DSE: variants seen among roughly 807,000 people sequenced by gnomAD.
DSE encodes the protein dermatan-sulfate epimerase.
A neutral mutation model predicts 84.4 loss-of-function variants in DSE; 36 were observed. The ratio of observed to expected loss-of-function variants is 0.43; its 90% CI spans 0.33 to 0.56. DSE has a LOEUF of 0.56. Among genes scored for constraint, DSE ranks in the 20% least tolerant of loss-of-function variants. DSE has a pLI of 0.06. For synonymous variants in DSE, 410 were observed against 430.1 expected (o/e 0.95, Z 0.58); for missense variants, 862 against 1,169.6 (o/e 0.74, Z 3.84).
chr6:116,429,764 C>A, intron 3 of DSE, among the ~76,000 whole-genome samples: 2 of 25,336 alleles, frequency 7.9e-5, no homozygotes, highest in Non-Finnish European at 1.6e-4. Context: ...CTGGCTAACA[C>A]GGTGAAACCC....
chr6:116,275,692 C>T (rs551013501), intron 2 of DSE, among the ~76,000 whole-genome samples: 61 of 150,984 alleles, frequency 4.0e-4, no homozygotes, highest in Non-Finnish European at 2.2e-4. Context: ...CCCAGCTACT[C>T]GGGAGGCTGA....
rs376322783 is a variant in DSE, at chr6:116,344,797, G to A, written c.-53-54401G>A. 9.9e-5 allele frequency among the ~76,000 whole-genome samples: 15 copies of A among 152,222 alleles called. No individual in the cohort carries two copies. In the East Asian group the frequency reaches 1.7e-3, roughly 18 times the overall value. Reference sequence around the variant, plus strand: ...CAATATTGACCTTAAATGTAAATGGGCTAAATGCTCCAATTAAAAGACACA... The same window carrying A: ...CAATATTGACCTTAAATGTAAATGGACTAAATGCTCCAATTAAAAGACACA... On this transcript the variant is annotated intron_variant, in intron 2 of 3. Coordinates refer to the DSE transcript ENST00000430252.
chr6:116,420,432 A>ACT (rs1782996085), intron 2 of DSE, among the ~76,000 whole-genome samples: 1 of 152,030 alleles, frequency 6.6e-6, no homozygotes, highest in Admixed American at 6.6e-5. Flanking sequence ...ACTCTTGTGC[A>ACT]CTCTCTCTCA....
intron 2 of DSE, among the ~76,000 whole-genome samples, chr6:116,262,433 T>C (rs551262212): frequency 6.6e-6 from 1 of 152,292 alleles, no homozygotes; most frequent in East Asian, 1.9e-4. Context: ...CTCTGATGGT[T>C]GTTTGTATTT....
intron 2 of DSE, among the ~76,000 whole-genome samples, chr6:116,346,953 A>G (rs2114838693): frequency 6.6e-6 from 1 of 152,316 alleles, no homozygotes; most frequent in East Asian, 1.9e-4. Flanking sequence ...TGCAAAAATC[A>G]CAAGCATTCC....
At chr6:116,320,963 G>C (rs986667457) in intron 2 of DSE, among the ~76,000 whole-genome samples, 6 of 152,130 alleles carry the variant, frequency 3.9e-5, no homozygotes, top group African/African-American at 1.4e-4. Context: ...GTACTAAGGC[G>C]ATGGAGAGAT....
In DSE at chr6:116,431,050, A is replaced by T. The variant is rs1161817257; in HGVS notation, c.767A>T (p.Tyr256Phe). Reference sequence around the variant, plus strand: ...AGGGAGGTGACGGATGGCTCCCTCTATGAAGGAGTTGCGTATGGCAGCTAC... The same window carrying T: ...AGGGAGGTGACGGATGGCTCCCTCTTTGAAGGAGTTGCGTATGGCAGCTAC... Reference protein sequence around the residue: ...LLREVTDGSLYEGVAYGSYTT... With the variant: ...LLREVTDGSLFEGVAYGSYTT... The change falls in exon 4 of 6, where the codon TAT becomes TTT. Residue 256 changes from tyrosine to phenylalanine, a missense_variant. Tyr to Phe is a conservative substitution (Grantham distance 22). Coordinates refer to ENST00000644252, the MANE Select transcript of DSE (RefSeq NM_013352.4). 6.2e-7 allele frequency: 1 copy of T among 1,614,170 alleles called. No homozygotes were observed. The highest frequency in any genetic ancestry group is 8.5e-7 in the Non-Finnish European group (1 of 1,180,038).
chr6:116,298,810 T>A (rs1445456373), intron 2 of DSE, among the ~76,000 whole-genome samples: 1 of 152,230 alleles, frequency 6.6e-6, no homozygotes, highest in East Asian at 1.9e-4. Flanking sequence ...TTGACTTTTC[T>A]GCATTCTGAT....
intron 2 of DSE, chr6:116,279,963 G>C: frequency 7.6e-7 from 1 of 1,315,172 alleles, no homozygotes; most frequent in Non-Finnish European, 1.1e-6. Flanking sequence ...CAGGACTGGA[G>C]ATCTCACGGT....
At chr6:116,273,184 G>A (rs1371466293) in intron 2 of DSE, among the ~76,000 whole-genome samples, 1 of 152,006 alleles carries the variant, frequency 6.6e-6, no homozygotes, top group Admixed American at 6.6e-5. Flanking sequence ...CTGCCCATCA[G>A]GTCATATCTA....
chr6:116,384,168 C>T (rs1780432294), intron 1 of DSE, among the ~76,000 whole-genome samples: 1 of 152,064 alleles, frequency 6.6e-6, no homozygotes, highest in African/African-American at 2.4e-5. Flanking sequence ...ACAGAGCAAC[C>T]TAAATAAAAG....
intron 2 of DSE, among the ~76,000 whole-genome samples, chr6:116,360,378 T>TATCTGC (rs951660615): frequency 6.6e-6 from 1 of 151,106 alleles, no homozygotes; most frequent in African/African-American, 2.5e-5. Context: ...AAGGAATATT[T>TATCTGC]ATCTGCATCT....
intron 2 of DSE, among the ~76,000 whole-genome samples, chr6:116,353,786 CTG>C (rs1244565375): frequency 6.6e-6 from 1 of 152,192 alleles, no homozygotes. Context: ...TATTTTATAA[CTG>C]TTCTCATTTG....
At chr6:116,337,522 G>T (rs895135998) in intron 2 of DSE, among the ~76,000 whole-genome samples, 1 of 152,092 alleles carries the variant, frequency 6.6e-6, no homozygotes, top group Non-Finnish European at 1.5e-5. Context: ...TGGCAGGAGA[G>T]TTGCTTTTTA....
chr6:116,350,765 A>G (rs1298970965), intron 2 of DSE, among the ~76,000 whole-genome samples: 1 of 152,208 alleles, frequency 6.6e-6, no homozygotes, highest in Non-Finnish European at 1.5e-5. Context: ...GTTCCATGCA[A>G]GTATATTCAC....
intron 2 of DSE, among the ~76,000 whole-genome samples, chr6:116,330,441 A>G (rs117372440): frequency 0.03 from 4,525 of 152,262 alleles, 103 homozygotes; most frequent in Non-Finnish European, 0.046. Context: ...TTGGTATTAC[A>G]TATGTTTTTG....
intron 2 of DSE, among the ~76,000 whole-genome samples, chr6:116,260,829 T>C (rs1241854944): frequency 6.6e-6 from 1 of 152,202 alleles, no homozygotes; most frequent in Non-Finnish European, 1.5e-5. Flanking sequence ...TGTATTCTGT[T>C]CCATTGGTCT....
chr6:116,309,016 C>G (rs554766215), intron 2 of DSE, among the ~76,000 whole-genome samples: 23 of 152,058 alleles, frequency 1.5e-4, no homozygotes, highest in African/African-American at 5.5e-4. Flanking sequence ...TTTTTTAAAT[C>G]AAGAGGACAA....
intron 2 of DSE, among the ~76,000 whole-genome samples, chr6:116,270,993 T>G (rs1772855194): frequency 6.6e-6 from 1 of 152,214 alleles, no homozygotes; most frequent in Non-Finnish European, 1.5e-5. Context: ...ATCTAATAAT[T>G]TGTTGAGATT....
Sources: allele counts gnomAD v4.1 joint callset (sites outside exome capture counted in the v4.1 genomes callset), GRCh38; gene constraint gnomAD v4.1.1; transcripts MANE v1.5; gene names NCBI Gene and HGNC (gene_info 2026-07-23, HGNC 2026-07-21).